Variants in TAB2 observed in about 807,000 individuals in gnomAD.
TAB2 encodes the protein TGF-beta-activated kinase 1 and MAP3K7-binding protein 2.
In TAB2, 3 loss-of-function variants were observed where a neutral mutation model predicts 65.0. The ratio of observed to expected loss-of-function variants is 0.05; its 90% CI spans 0.02 to 0.12. The LOEUF is 0.12. Among genes scored for constraint, TAB2 ranks in the 10% least tolerant of loss-of-function variants. The pLI is 1.00. For synonymous variants in TAB2, 298 were observed against 285.1 expected (o/e 1.05, Z -0.46); for missense variants, 623 against 840.3 (o/e 0.74, Z 3.20).
intron 1 of TAB2, among the ~76,000 whole-genome samples, chr6:149,307,917 T>C (rs1339161482): frequency 3.3e-5 from 5 of 152,256 alleles, no homozygotes; most frequent in African/African-American, 1.2e-4. Context: ...GACTTTTTTC[T>C]ATACATACCC....
In TAB2 at chr6:149,395,571, A is replaced by C. The variant is rs1024846602; in HGVS notation, c.1604-2033A>C. 8.6e-4 allele frequency among the ~76,000 whole-genome samples: 131 copies of C among 152,332 alleles called. 1 individual carries two copies. The highest frequency in any genetic ancestry group is 2.4e-4 in the Non-Finnish European group (16 of 68,026). ...TTCTTAAATACCTTCAAGACCTTAG[A>C]ATACTTCACCTCTGATTTTTGCACT... On this transcript the variant is annotated intron_variant, in intron 3 of 6. Coordinates refer to ENST00000637181, the MANE Select transcript of TAB2 (RefSeq NM_001292034.3).
chr6:149,225,862 C>T (rs879525327), intron 1 of TAB2, among the ~76,000 whole-genome samples: 3 of 151,696 alleles, frequency 2.0e-5, no homozygotes, highest in East Asian at 3.9e-4. Flanking sequence ...CAAAAACAAG[C>T]AGAATTTGAG....
intron 1 of TAB2, among the ~76,000 whole-genome samples, chr6:149,293,770 G>C (rs1210716658): frequency 6.6e-6 from 1 of 152,160 alleles, no homozygotes; most frequent in Non-Finnish European, 1.5e-5. Context: ...TCACTTCACA[G>C]ATAATACAAC....
intron 1 of TAB2, among the ~76,000 whole-genome samples, chr6:149,275,097 A>G (rs1441414554): frequency 1.4e-5 from 2 of 139,104 alleles, no homozygotes; most frequent in African/African-American, 2.7e-5. Flanking sequence ...TATCCCATTC[A>G]TTTCCCTAAT....
At chr6:149,344,327 GT>G (rs1435573589) in intron 1 of TAB2, among the ~76,000 whole-genome samples, 1 of 152,152 alleles carries the variant, frequency 6.6e-6, no homozygotes, top group African/African-American at 2.4e-5. Context: ...AATAAACCTT[GT>G]TTTAGTGAGC....
intron 1 of TAB2, among the ~76,000 whole-genome samples, chr6:149,350,444 G>A (rs1030589077): frequency 2.6e-5 from 4 of 151,878 alleles, no homozygotes; most frequent in South Asian, 2.1e-4. Flanking sequence ...AATTATTACC[G>A]CTAATGGCTA....
chr6:149,320,772 T>C (rs1779427272), intron 1 of TAB2, among the ~76,000 whole-genome samples: 3 of 152,226 alleles, frequency 2.0e-5, no homozygotes, highest in African/African-American at 7.2e-5. Flanking sequence ...GGAAAGTTCC[T>C]GATAATCTTT....
intron 4 of TAB2, 25 bp downstream of exon 4, chr6:149,397,789 A>G: frequency 6.2e-7 from 1 of 1,611,684 alleles, no homozygotes; most frequent in Non-Finnish European, 8.5e-7. Flanking sequence ...AACTGTTGTG[A>G]TCTCTGCTTG....
chr6:149,383,443 A>T (rs1160154853), intron 3 of TAB2, among the ~76,000 whole-genome samples: 1 of 152,242 alleles, frequency 6.6e-6, no homozygotes, highest in Non-Finnish European at 1.5e-5. Flanking sequence ...ACAGAATTTT[A>T]TAACATTTGT....
rs143695731 is a variant in TAB2, at chr6:149,371,015, G to T, written c.102+916G>T. Among the ~76,000 whole-genome samples the T allele has an allele frequency of 7.2e-3, 1,050 of 146,688 alleles. 13 individuals are homozygous for T. Among genetic ancestry groups the T allele is most frequent in the African/African-American group, 0.026 (1,013 of 39,196 alleles). Reference sequence around the variant, plus strand: ...CAGGAGGCAGAGGTTGCAGTGAGCTGGGATCGCGCCACTACACTCCAGCCT... The same window carrying T: ...CAGGAGGCAGAGGTTGCAGTGAGCTTGGATCGCGCCACTACACTCCAGCCT... On this transcript the variant is annotated intron_variant, in intron 2 of 6. Coordinates refer to ENST00000637181, the MANE Select transcript of TAB2 (RefSeq NM_001292034.3).
At chr6:149,403,299 T>TATAA (rs1782533584) in intron 6 of TAB2, among the ~76,000 whole-genome samples, 1 of 63,360 alleles carries the variant, frequency 1.6e-5, no homozygotes, top group African/African-American at 7.5e-5. Context: ...CACACACATA[T>TATAA]ATATATATAT....
intron 1 of TAB2, among the ~76,000 whole-genome samples, chr6:149,329,395 G>A (rs1282738623): frequency 6.6e-6 from 1 of 152,196 alleles, no homozygotes; most frequent in African/African-American, 2.4e-5. Flanking sequence ...TGGGTGCATA[G>A]TTGTGATGGT....
chr6:149,349,207 C>T (rs1780406828), intron 1 of TAB2, among the ~76,000 whole-genome samples: 1 of 151,472 alleles, frequency 6.6e-6, no homozygotes, highest in Admixed American at 6.6e-5. Flanking sequence ...GATCACAAGG[C>T]CAGGAGATTG....
chr6:149,283,277 A>T (rs542635947), intron 1 of TAB2, among the ~76,000 whole-genome samples: 2 of 152,246 alleles, frequency 1.3e-5, no homozygotes, highest in Non-Finnish European at 2.9e-5. Context: ...GAAAAGGAAC[A>T]CAAATACATT....
chr6:149,261,213 A>C (rs949217519), intron 1 of TAB2, among the ~76,000 whole-genome samples: 1 of 152,222 alleles, frequency 6.6e-6, no homozygotes, highest in Non-Finnish European at 1.5e-5. Flanking sequence ...AATTTTTCAG[A>C]GTTCTCTTAG....
In TAB2 at chr6:149,232,351, C is replaced by G. The variant is rs183818868; in HGVS notation, c.-121+13575C>G. Among the ~76,000 whole-genome samples, 409 of 152,270 alleles carry G rather than the reference C, an allele frequency of 2.7e-3. 3 individuals are homozygous for G. Among genetic ancestry groups the G allele is most frequent in the Middle Eastern group, 6.8e-3 (2 of 294 alleles). ...CAAGTGATTCTCCTACCTCAGCCCC[C>G]CAAGTAGCTGGGATTACAGGCACAC... On this transcript the variant is annotated intron_variant, in intron 1 of 1. Coordinates refer to the TAB2 transcript ENST00000606202.
chr6:149,351,692 A>C (rs1358969611), intron 1 of TAB2, among the ~76,000 whole-genome samples: 3 of 152,186 alleles, frequency 2.0e-5, no homozygotes, highest in Non-Finnish European at 4.4e-5. Flanking sequence ...TTGCCCAAGA[A>C]GTTACTGCAA....
intron 1 of TAB2, among the ~76,000 whole-genome samples, chr6:149,304,665 C>T (rs1779030198): frequency 6.6e-6 from 1 of 152,214 alleles, no homozygotes; most frequent in African/African-American, 2.4e-5. Context: ...ATACGCAACA[C>T]ACATCTGATT....
At chr6:149,295,210 A>G (rs942518904) in intron 1 of TAB2, among the ~76,000 whole-genome samples, 1 of 152,246 alleles carries the variant, frequency 6.6e-6, no homozygotes, top group Non-Finnish European at 1.5e-5. Context: ...CGGTGAAGCT[A>G]TCTAGGCCTT....
Sources: gnomAD v4.1 joint callset for allele counts (sites outside exome capture counted in the v4.1 genomes callset) on GRCh38, gnomAD v4.1.1 for gene constraint, MANE v1.5 for transcripts, NCBI Gene and HGNC (gene_info 2026-07-23, HGNC 2026-07-21) for gene names.